Variants in SLCO1B3 observed in about 807,000 individuals in gnomAD.
SLCO1B3 encodes liver-specific organic anion transporter 2.
Under a neutral mutation model 71.8 loss-of-function variants are expected in SLCO1B3, and 72 were observed. The observed-to-expected ratio is 1.00, with a 90% CI of 0.83 to 1.22. The LOEUF is 1.22. Among genes scored for constraint, SLCO1B3 ranks in the 50% most tolerant of loss-of-function variants. The probability of loss-of-function intolerance (pLI) is 0.00; values close to 1 mark genes in which losing one functional copy is unlikely to be tolerated. For missense variants in SLCO1B3, 911 were observed against 819.7 expected (o/e 1.11, Z -1.36); for synonymous variants, 298 against 278.4 (o/e 1.07, Z -0.70).
At chr12:20,844,002 A>T (rs1252798087) in intron 3 of SLCO1B3, among the ~76,000 whole-genome samples, 3 of 151,850 alleles carry the variant, frequency 2.0e-5, no homozygotes, top group Admixed American at 2.0e-4. Context: ...GAAAATGTGC[A>T]TTTATTTTAT....
chr12:20,867,671 C>A (rs1865400089), intron 8 of SLCO1B3, among the ~76,000 whole-genome samples: 1 of 152,154 alleles, frequency 6.6e-6, no homozygotes, highest in Non-Finnish European at 1.5e-5. Flanking sequence ...TATTTTACAA[C>A]ATGGAAGCTT....
chr12:20,815,866 A>C (rs374604069), intron 3 of SLCO1B3, 44 bp downstream of exon 3: 2 of 1,305,180 alleles, frequency 1.5e-6, no homozygotes, highest in Non-Finnish European at 2.1e-6. Flanking sequence ...AGTTAATGGA[A>C]AATTTTTATG....
At chr12:20,863,045 A>G (rs1244115238) in intron 8 of SLCO1B3, among the ~76,000 whole-genome samples, 191 bp downstream of exon 8, 5 of 152,222 alleles carry the variant, frequency 3.3e-5, no homozygotes, top group South Asian at 2.1e-4. Context: ...TGCTTTTACA[A>G]CTAAGTATAA....
At chr12:20,899,956 G>T (rs2120374083) in intron 14 of SLCO1B3, among the ~76,000 whole-genome samples, 1 of 152,122 alleles carries the variant, frequency 6.6e-6, no homozygotes, top group South Asian at 2.1e-4. Context: ...ATGTGTAAAT[G>T]GTAGAAGACC....
chr12:20,852,491 A>T (rs1199219591), intron 3 of SLCO1B3, among the ~76,000 whole-genome samples: 2 of 152,182 alleles, frequency 1.3e-5, no homozygotes, highest in Non-Finnish European at 2.9e-5. Flanking sequence ...TTCAAAATTT[A>T]AAAAATTAAA....
At chr12:20,910,932 A>G (rs1319604787) in intron 15 of SLCO1B3, among the ~76,000 whole-genome samples, 1 of 151,718 alleles carries the variant, frequency 6.6e-6, no homozygotes, top group African/African-American at 2.4e-5. Flanking sequence ...CTGTATATAT[A>G]CCATTCCCTT....
intron 13 of SLCO1B3, among the ~76,000 whole-genome samples, chr12:20,884,576 A>G (rs1729253387): frequency 1.3e-5 from 2 of 152,060 alleles, no homozygotes; most frequent in Non-Finnish European, 2.9e-5. Context: ...TGGAGAGTTG[A>G]GGGGAAGCAG....
At chr12:20,860,382 T>A (rs1865236124) in intron 5 of SLCO1B3, among the ~76,000 whole-genome samples, 2 of 152,304 alleles carry the variant, frequency 1.3e-5, no homozygotes, top group South Asian at 2.1e-4. Context: ...CTGTGTGTTT[T>A]ATTTCTTGAT....
At chr12:20,815,632 ATTG>A in intron 2 of SLCO1B3, 39 bp from the exon 3 acceptor site, 1 of 698,650 alleles carries the variant, frequency 1.4e-6, no homozygotes, top group Non-Finnish European at 2.4e-6. Flanking sequence ...TAAATTGTAT[ATTG>A]TTAAAGTAAA....
chr12:20,875,145 A>G (rs141587328), intron 8 of SLCO1B3, 90 bp from the exon 9 acceptor site: 23 of 1,421,276 alleles, frequency 1.6e-5, no homozygotes, highest in Middle Eastern at 2.3e-4. Context: ...TTCTTCATCT[A>G]TGGAGGACTG....
intron 8 of SLCO1B3, among the ~76,000 whole-genome samples, chr12:20,870,210 T>C (rs1487381014): frequency 6.6e-6 from 1 of 152,164 alleles, no homozygotes; most frequent in Non-Finnish European, 1.5e-5. Context: ...GTTGTAGGAA[T>C]TTTTTGTACA....
At chr12:20,888,725 G>A (rs965509639) in intron 13 of SLCO1B3, among the ~76,000 whole-genome samples, 6 of 151,972 alleles carry the variant, frequency 3.9e-5, no homozygotes, top group African/African-American at 1.2e-4. Flanking sequence ...CCAATACTAC[G>A]TTGAATACGA....
chr12:20,907,268 C>T (rs928979078), intron 15 of SLCO1B3, among the ~76,000 whole-genome samples: 1 of 152,140 alleles, frequency 6.6e-6, no homozygotes, highest in Non-Finnish European at 1.5e-5. Context: ...ACATCCCCAA[C>T]AAGTAATGAT....
intron 15 of SLCO1B3, among the ~76,000 whole-genome samples, chr12:20,908,965 T>C (rs1866310804): frequency 6.6e-6 from 1 of 152,180 alleles, no homozygotes; most frequent in African/African-American, 2.4e-5. Context: ...ATTGTCAGAC[T>C]GGCTTCAAAA....
chr12:20,830,832 A>G (rs2121128923), intron 3 of SLCO1B3, among the ~76,000 whole-genome samples: 2 of 152,352 alleles, frequency 1.3e-5, no homozygotes, highest in South Asian at 4.1e-4. Flanking sequence ...AGGAAAAAGT[A>G]TTGGCTAATG....
intron 3 of SLCO1B3, among the ~76,000 whole-genome samples, chr12:20,842,452 A>G (rs1864822889): frequency 1.3e-5 from 2 of 152,192 alleles, no homozygotes; most frequent in Non-Finnish European, 2.9e-5. Context: ...ACCTCTATCC[A>G]TAATGATGTT....
chr12:20,812,735 T>C (rs1306698306), intron 1 of SLCO1B3, among the ~76,000 whole-genome samples: 1 of 152,110 alleles, frequency 6.6e-6, no homozygotes, highest in Non-Finnish European at 1.5e-5. Context: ...ACAGGACAAG[T>C]AGAAATTAAT....
At chr12:20,825,085 A>C (rs1375624416) in intron 3 of SLCO1B3, among the ~76,000 whole-genome samples, 1 of 152,190 alleles carries the variant, frequency 6.6e-6, no homozygotes, top group Non-Finnish European at 1.5e-5. Flanking sequence ...AATCTATTAA[A>C]TTTTAATCAT....
intron 3 of SLCO1B3, among the ~76,000 whole-genome samples, chr12:20,840,000 GT>G (rs1342652422): frequency 6.6e-6 from 1 of 152,088 alleles, no homozygotes; most frequent in Admixed American, 6.6e-5. Context: ...TCTAGCATTT[GT>G]TTTTGGTTCT....
Sources: gnomAD v4.1 joint callset for allele counts (sites outside exome capture counted in the v4.1 genomes callset) on GRCh38, gnomAD v4.1.1 for gene constraint, MANE v1.5 for transcripts, NCBI Gene and HGNC (gene_info 2026-07-23, HGNC 2026-07-21) for gene names.